Variants in EFR3A observed in about 807,000 individuals in gnomAD.
EFR3A encodes EFR3 homolog A, also known as protein EFR3 homolog A.
In EFR3A, 76 loss-of-function variants were observed where a neutral mutation model predicts 104.4. That is an observed-to-expected ratio of 0.73 (90% CI 0.60 to 0.88). The LOEUF is 0.88. EFR3A is among the 40% of genes least tolerant of loss of function. The pLI is 0.00. For synonymous variants in EFR3A, 330 were observed against 330.0 expected (o/e 1.00, Z 0.00); for missense variants, 985 against 1,012.5 (o/e 0.97, Z 0.37).
intron 9 of EFR3A, among the ~76,000 whole-genome samples, chr8:131,970,158 T>A (rs1192644369): frequency 2.6e-5 from 4 of 152,230 alleles, no homozygotes; most frequent in African/African-American, 9.6e-5. Flanking sequence ...GTACACATTA[T>A]TGTGAACAGA....
At chr8:131,963,993 C>A (rs2130668974) in intron 8 of EFR3A, among the ~76,000 whole-genome samples, 1 of 152,248 alleles carries the variant, frequency 6.6e-6, no homozygotes, top group Non-Finnish European at 1.5e-5. Flanking sequence ...TCAATAGATG[C>A]AGAAAAGGCC....
rs1463017378 is a variant in EFR3A at position 131,973,069 on chromosome 8, CAT to C, written c.1159+2427_1159+2428del. Among the ~76,000 whole-genome samples, 5 of 148,174 alleles carry C rather than the reference CAT, an allele frequency of 3.4e-5. No individual in the cohort carries two copies. The East Asian group carries it at 9.8e-4, about 29-fold the overall frequency. On this transcript the variant is annotated intron_variant, in intron 10 of 22. Coordinates refer to ENST00000254624, the MANE Select transcript of EFR3A (RefSeq NM_015137.6). ...GTTTCATCTAGTTGCAGTCTCATCA[CAT>C]GTCTAGAAATTGTCCTCATTAAGGG...
intron 18 of EFR3A, among the ~76,000 whole-genome samples, chr8:131,994,709 T>C (rs1363736604): frequency 6.6e-6 from 1 of 152,168 alleles, no homozygotes; most frequent in Non-Finnish European, 1.5e-5. Flanking sequence ...AATAGGACAA[T>C]GTGGAGATAA....
chr8:131,913,352 C>G (rs1816605824), intron 1 of EFR3A, among the ~76,000 whole-genome samples: 1 of 151,840 alleles, frequency 6.6e-6, no homozygotes, highest in South Asian at 2.1e-4. Flanking sequence ...TTTCTTCTTT[C>G]CATGTATGGT....
chr8:131,936,368 C>T (rs1817882505), intron 1 of EFR3A, among the ~76,000 whole-genome samples: 1 of 152,142 alleles, frequency 6.6e-6, no homozygotes, highest in Non-Finnish European at 1.5e-5. Context: ...ACCGAGCTAG[C>T]AATTCCCCAG....
intron 1 of EFR3A, among the ~76,000 whole-genome samples, chr8:131,921,900 C>T (rs1206240471): frequency 2.0e-5 from 3 of 152,078 alleles, no homozygotes; most frequent in South Asian, 2.1e-4. Context: ...ACATGTTGTA[C>T]GAAATCTTAT....
chr8:131,913,813 A>G (rs1816632115), intron 1 of EFR3A, among the ~76,000 whole-genome samples: 1 of 152,194 alleles, frequency 6.6e-6, no homozygotes, highest in Non-Finnish European at 1.5e-5. Context: ...GTGAAGTGTA[A>G]GGTGTCCAAG....
chr8:131,912,513 T>C (rs1017294270), intron 1 of EFR3A, among the ~76,000 whole-genome samples: 2 of 152,168 alleles, frequency 1.3e-5, no homozygotes, highest in East Asian at 3.9e-4. Context: ...TTTAGATTGG[T>C]ACAGCATTTT....
chr8:131,967,174 A>G (rs985835991), intron 8 of EFR3A, among the ~76,000 whole-genome samples: 1 of 152,186 alleles, frequency 6.6e-6, no homozygotes. Context: ...ACATTCATCT[A>G]TTTTAACATA....
At chr8:131,990,500 A>T (rs1223040267) in intron 18 of EFR3A, among the ~76,000 whole-genome samples, 1 of 152,210 alleles carries the variant, frequency 6.6e-6, no homozygotes, top group South Asian at 2.1e-4. Flanking sequence ...TGTTCCGTGA[A>T]TTAATATAGA....
chr8:131,928,330 G>C (rs555177194), intron 1 of EFR3A, among the ~76,000 whole-genome samples: 1 of 152,078 alleles, frequency 6.6e-6, no homozygotes, highest in African/African-American at 2.4e-5. Context: ...TAAATGAAGG[G>C]TGGGGTTTCT....
At position 132,012,084 on chromosome 8, in the gene EFR3A, T is replaced by A. The variant is rs1456543334; in HGVS notation, c.*1189T>A. The A allele has an allele frequency of 6.6e-6, 1 of 152,202 alleles. No homozygotes were observed. Among genetic ancestry groups the A allele is most frequent in the African/African-American group, 2.4e-5 (1 of 41,458 alleles). The allele number at this position is 152,202 out of a possible 1,614,324, so 9.4% of individuals were successfully genotyped here. A position where few individuals can be genotyped will look rare whatever the true frequency, so the allele number is the denominator to read the frequency against. On this transcript the variant is annotated 3_prime_UTR_variant, in exon 23 of 23. Transcript: ENST00000254624. ...TCACATGGTAAAATGAACAGCTTTC[T>A]TTGTAACTCATAAAATTCTCTTAGG...
intron 1 of EFR3A, among the ~76,000 whole-genome samples, chr8:131,913,192 A>G (rs1017929928): frequency 2.2e-4 from 33 of 147,754 alleles, no homozygotes; most frequent in African/African-American, 7.5e-4. Context: ...CTAGGGAAGT[A>G]TGATCACAAA....
intron 1 of EFR3A, among the ~76,000 whole-genome samples, chr8:131,915,220 C>G (rs986772909): frequency 6.6e-6 from 1 of 152,160 alleles, no homozygotes; most frequent in Non-Finnish European, 1.5e-5. Context: ...TGCCCTCTGA[C>G]AAGAATTTAA....
chr8:131,914,968 C>T (rs560081874), intron 1 of EFR3A, among the ~76,000 whole-genome samples: 1 of 152,210 alleles, frequency 6.6e-6, no homozygotes, highest in Admixed American at 6.5e-5. Flanking sequence ...CCATCTGTTC[C>T]CACAAAAGAC....
At chr8:131,977,202 G>T in intron 12 of EFR3A, 110 bp downstream of exon 12, 4 of 712,162 alleles carry the variant, frequency 5.6e-6, no homozygotes, top group South Asian at 2.6e-5. Flanking sequence ...TACTGTTTAT[G>T]GTTAGTATTT....
chr8:131,912,984 T>G (rs1181510447), intron 1 of EFR3A, among the ~76,000 whole-genome samples: 1 of 4,714 alleles, frequency 2.1e-4, no homozygotes, highest in Non-Finnish European at 3.9e-4. Context: ...CACTTGTATT[T>G]TTTTTTTTTT....
chr8:131,937,987 A>G (rs1045837796), intron 1 of EFR3A, among the ~76,000 whole-genome samples: 19 of 152,120 alleles, frequency 1.2e-4, no homozygotes, highest in Non-Finnish European at 4.4e-5. Flanking sequence ...TAAGCTAGCA[A>G]TATAAGTACT....
At chr8:131,924,975 ATAC>A (rs1032046670) in intron 1 of EFR3A, among the ~76,000 whole-genome samples, 3 of 152,098 alleles carry the variant, frequency 2.0e-5, no homozygotes, top group Admixed American at 2.0e-4. Context: ...AGTACCTTAT[ATAC>A]TACTTTCAAC....
Sources: gnomAD v4.1 joint callset for allele counts (sites outside exome capture counted in the v4.1 genomes callset) on GRCh38, gnomAD v4.1.1 for gene constraint, MANE v1.5 for transcripts, NCBI Gene and HGNC (gene_info 2026-07-23, HGNC 2026-07-21) for gene names.